The following CEP76 variants were observed in gnomAD, a reference collection of about 807,000 sequenced individuals.
CEP76 encodes centrosomal protein 76.
Under a neutral mutation model 83.3 loss-of-function variants are expected in CEP76, and 55 were observed. The ratio of observed to expected loss-of-function variants is 0.66; its 90% confidence interval spans 0.53 to 0.83. The LOEUF (loss-of-function observed/expected upper bound fraction) is 0.83. Ranked by LOEUF, CEP76 falls within the 40% of genes least tolerant of loss-of-function variation. The pLI is 0.00. For synonymous variants in CEP76, 270 were observed against 274.5 expected (o/e 0.98, Z 0.16); for missense variants, 694 against 799.5 (o/e 0.87, Z 1.59).
intron 5 of CEP76, 141 bp downstream of exon 5, chr18:12,697,082 T>G (rs985226640): frequency 3.5e-6 from 2 of 567,866 alleles, no homozygotes; most frequent in East Asian, 2.9e-5. Flanking sequence ...ATTAGGATGC[T>G]GAGGTCCAAT....
At chr18:12,687,797 T>G (rs1441759583) in intron 7 of CEP76, among the ~76,000 whole-genome samples, 3 of 151,952 alleles carry the variant, frequency 2.0e-5, no homozygotes, top group Non-Finnish European at 4.4e-5. Context: ...ATTCTAATTT[T>G]GGGGGGATGT....
At chr18:12,692,886 G>A (rs2039818510) in intron 6 of CEP76, among the ~76,000 whole-genome samples, 1 of 152,194 alleles carries the variant, frequency 6.6e-6, no homozygotes, top group Admixed American at 6.5e-5. Context: ...GCTACTGCAT[G>A]ATCATGGCTC....
chr18:12,690,081 G>A (rs1478856724), intron 7 of CEP76, among the ~76,000 whole-genome samples: 4 of 141,070 alleles, frequency 2.8e-5, no homozygotes, highest in Non-Finnish European at 4.9e-5. Flanking sequence ...GAGCCACCGC[G>A]CCCGGCCAGG....
Position 12,674,650 on chromosome 18 carries a change from T to G in CEP76, c.1727A>C (p.Asn576Thr). 1 of 1,613,990 alleles carries G rather than the reference T, an allele frequency of 6.2e-7. No homozygotes were observed. Among genetic ancestry groups the G allele is most frequent in the Non-Finnish European group, 8.5e-7 (1 of 1,179,918 alleles). Residue 576 changes from asparagine to threonine, a missense_variant, in exon 11 of 12, where the codon AAT becomes ACT. Physicochemically the swap from Asn to Thr is moderately conservative, Grantham distance 65. Coordinates refer to ENST00000262127, the MANE Select transcript of CEP76 (RefSeq NM_024899.4). ...TCTTATGGCATCTTGAAATTCTTCATTGCCTGCTGATATACTTGTTGTACG... is the reference window on the plus strand; with the variant it reads ...TCTTATGGCATCTTGAAATTCTTCAGTGCCTGCTGATATACTTGTTGTACG... ...FERTTSISAGNEEFQDAIRRA... is the reference protein window; with the variant it reads ...FERTTSISAGTEEFQDAIRRA...
intron 12 of CEP76, chr18:12,663,574 C>CA (rs2038742255): frequency 6.6e-6 from 1 of 152,012 alleles, no homozygotes; most frequent in Non-Finnish European, 1.5e-5. Flanking sequence ...CAACCAGGCA[C>CA]AAAAATATCT....
intron 11 of CEP76, among the ~76,000 whole-genome samples, 189 bp from the exon 12 acceptor site, chr18:12,673,692 C>G (rs1194514189): frequency 6.6e-6 from 1 of 151,984 alleles, no homozygotes; most frequent in Non-Finnish European, 1.5e-5. Flanking sequence ...CCAGCTTGGC[C>G]AACATAGTGA....
rs755808154 is a variant in CEP76 at position 12,678,194 on chromosome 18, G to A, written c.1538C>T (p.Pro513Leu). ...CGCGTCAATTGTGGATGCACACAGA[G>A]GTGGAAAGGGAGGAAGGGATGTTGT... is the stretch of plus-strand genomic sequence containing the variant. ...GATTSLPPFP[P>L]LCASTIDASV... The change falls in exon 10 of 12, where the codon CCT becomes CTT. Residue 513 changes from proline (P) to leucine (L), a missense_variant. Pro to Leu is a moderately conservative substitution (Grantham distance 98, BLOSUM62 -3). Coordinates refer to ENST00000262127, the MANE Select transcript of CEP76 (RefSeq NM_024899.4). 1.2e-6 allele frequency: 2 copies of A among 1,614,150 alleles called. No individual in the cohort carries two copies. The highest frequency in any genetic ancestry group is 2.2e-5 in the South Asian group (2 of 91,082).
chr18:12,676,927 C>G (rs1350884349), intron 10 of CEP76, among the ~76,000 whole-genome samples: 1 of 152,124 alleles, frequency 6.6e-6, no homozygotes, highest in Non-Finnish European at 1.5e-5. Flanking sequence ...AGGAGTGGAA[C>G]AGGGAACCCT....
At position 12,679,864 on chromosome 18, in the gene CEP76, A is replaced by G. The variant is rs530582493; in HGVS notation, c.1289+798T>C. ...GACTGCTTGAGCCCAGGAGTTCAAG[A>G]CCAGCCTAGACAACACAGCAAAAGC... On this transcript the variant is annotated intron_variant, in intron 9 of 11. Coordinates refer to ENST00000262127, the MANE Select transcript of CEP76 (RefSeq NM_024899.4). Among the ~76,000 whole-genome samples the G allele has an allele frequency of 3.3e-5, 5 of 152,150 alleles. No individual in the cohort carries two copies. The South Asian group carries it at 6.2e-4, about 19-fold the overall frequency.
Position 12,691,451 on chromosome 18 carries a change from GCT to G in CEP76, c.839_840del (p.Glu280AlafsTer8). The G allele has an allele frequency of 6.2e-7, 1 of 1,605,644 alleles. No homozygotes were observed. Among genetic ancestry groups the G allele is most frequent in the Non-Finnish European group, 8.5e-7 (1 of 1,175,968 alleles). ...ALERQKTAEK[E>X]RLFLVYAKQW... The stretch of plus-strand genomic sequence containing the variant: ...TGCTTAGCATATACAAGAAATAATC[GCT>G]CTTTCTCTGCAGTTTTCTGACGTTC... On this transcript the variant is annotated frameshift_variant, in exon 7 of 12. Coordinates refer to ENST00000262127, the MANE Select transcript of CEP76 (RefSeq NM_024899.4). LOFTEE classifies it high-confidence loss of function.
chr18:12,667,964 TAAC>T (rs1002533831), downstream of CEP76, among the ~76,000 whole-genome samples: 2 of 147,214 alleles, frequency 1.4e-5, no homozygotes, highest in Non-Finnish European at 3.0e-5. Context: ...ACATCAATAA[TAAC>T]ATTAAATGTG....
chr18:12,662,925 T>G (rs939180815), intron 12 of CEP76, among the ~76,000 whole-genome samples: 1 of 152,218 alleles, frequency 6.6e-6, no homozygotes, highest in Non-Finnish European at 1.5e-5. Context: ...GATTCTCCTT[T>G]AAGATAATTA....
intron 6 of CEP76, among the ~76,000 whole-genome samples, chr18:12,694,747 T>C (rs1024736552): frequency 5.9e-5 from 9 of 151,856 alleles, no homozygotes; most frequent in Non-Finnish European, 1.0e-4. Flanking sequence ...AGTCTTGCTC[T>C]GTTGCCCAGG....
downstream of CEP76, among the ~76,000 whole-genome samples, chr18:12,669,022 AC>A (rs2038870642): frequency 1.4e-5 from 1 of 70,834 alleles, no homozygotes; most frequent in African/African-American, 6.0e-5. Context: ...GAGCTACCGC[AC>A]CCCCCGCACT....
chr18:12,681,794 A>G (rs1008253586), intron 8 of CEP76, among the ~76,000 whole-genome samples: 2 of 152,142 alleles, frequency 1.3e-5, no homozygotes, highest in African/African-American at 4.8e-5. Flanking sequence ...TTCTTTGGTT[A>G]TATTACTTTC....
intron 7 of CEP76, among the ~76,000 whole-genome samples, chr18:12,690,525 G>A (rs890104806): frequency 2.6e-5 from 4 of 151,160 alleles, no homozygotes; most frequent in Non-Finnish European, 5.9e-5. Flanking sequence ...GTGCGATCTC[G>A]GCTCACTGCA....
At chr18:12,687,705 G>C (rs1165886414) in intron 7 of CEP76, among the ~76,000 whole-genome samples, 1 of 151,464 alleles carries the variant, frequency 6.6e-6, no homozygotes, top group Non-Finnish European at 1.5e-5. Context: ...CGCCCACCTC[G>C]ACCTCCCAAA....
chr18:12,665,986 T>C (rs1419241040), intron 12 of CEP76, among the ~76,000 whole-genome samples: 1 of 150,504 alleles, frequency 6.6e-6, no homozygotes, highest in Non-Finnish European at 1.5e-5. Flanking sequence ...TGAGCCACCG[T>C]GCCCGGCCCA....
In CEP76 at chr18:12,663,917, C is replaced by CATAA. The variant is rs1178882253; in HGVS notation, c.*1728-1749_*1728-1748insTTAT. On this transcript the variant is annotated intron_variant and NMD_transcript_variant, in intron 12 of 12. Transcript: ENST00000590143. ...CAGTGGTTTATGCCTGTAATCCCAGCACTTTGGGAGGTTGAGGCAGGCAGA... is the reference window on the plus strand; with the variant it reads ...CAGTGGTTTATGCCTGTAATCCCAGCATAAACTTTGGGAGGTTGAGGCAGGCAGA... 3.2e-3 allele frequency among the ~76,000 whole-genome samples: 482 copies of CATAA among 152,294 alleles called. 1 individual carries two copies. The highest frequency in any genetic ancestry group is 0.011 in the African/African-American group (459 of 41,558).
Sources: allele counts gnomAD v4.1 joint callset (sites outside exome capture counted in the v4.1 genomes callset), GRCh38; gene constraint gnomAD v4.1.1; transcripts MANE v1.5; gene names NCBI Gene and HGNC (gene_info 2026-07-23, HGNC 2026-07-21).